Variants in KLHL32 observed in about 807,000 individuals in gnomAD.
The protein encoded by KLHL32 is kelch-like protein 32.
A neutral mutation model predicts 64.8 loss-of-function variants in KLHL32; 35 were observed. The observed-to-expected ratio is 0.54, with a 90% CI of 0.41 to 0.72. The LOEUF is 0.72. Among genes scored for constraint, KLHL32 ranks in the 30% least tolerant of loss-of-function variants. The pLI is 0.00. For synonymous variants in KLHL32, 259 were observed against 281.0 expected (o/e 0.92, Z 0.78); for missense variants, 589 against 768.5 (o/e 0.77, Z 2.76).
intron 1 of KLHL32, among the ~76,000 whole-genome samples, chr6:96,927,416 A>C (rs1769296505): frequency 6.6e-6 from 1 of 152,218 alleles, no homozygotes; most frequent in African/African-American, 2.4e-5. Context: ...AGAGACATTA[A>C]ATCCCAGCAC....
In KLHL32 at chr6:97,094,319, A is replaced by T. The variant is rs74770485; in HGVS notation, c.627+8978A>T. On this transcript the variant is annotated intron_variant, in intron 6 of 10. Coordinates refer to ENST00000369261, the MANE Select transcript of KLHL32 (RefSeq NM_052904.4). ...ACCCAGAGGCTCTAGAATTATTTAC[A>T]TTCTAAGGAGATGTCAAGAGAAGCC... is the stretch of plus-strand genomic sequence containing the variant. Among the ~76,000 whole-genome samples the T allele has an allele frequency of 9.9e-3, 1,510 of 152,314 alleles. 15 individuals are homozygous for T. Among genetic ancestry groups the T allele is most frequent in the Middle Eastern group, 0.017 (5 of 294 alleles).
intron 3 of KLHL32, among the ~76,000 whole-genome samples, chr6:96,980,252 G>A (rs13195937): frequency 0.31 from 47,134 of 151,942 alleles, 7,883 homozygotes; most frequent in African/African-American, 0.44. Context: ...GTTCTCAAAG[G>A]GAATGCTCCA....
chr6:97,069,396 G>C (rs1021043551), intron 5 of KLHL32, among the ~76,000 whole-genome samples: 1 of 132,658 alleles, frequency 7.5e-6, no homozygotes, highest in Non-Finnish European at 1.6e-5. Context: ...GGGTGATTTT[G>C]TTCCTTTTTT....
intron 10 of KLHL32, among the ~76,000 whole-genome samples, chr6:97,136,029 G>A (rs1799967601): frequency 6.6e-6 from 1 of 152,154 alleles, no homozygotes; most frequent in Non-Finnish European, 1.5e-5. Flanking sequence ...AAAATCATAT[G>A]CATACTAAAA....
chr6:96,901,010 G>A, the KLHL32 span, among the ~76,000 whole-genome samples: 2 of 152,264 alleles, frequency 1.3e-5, no homozygotes, highest in South Asian at 4.1e-4. Context: ...GGAGCGGGGG[G>A]TAGTGCCACA....
chr6:96,922,433 T>C (rs991339032), upstream of KLHL32, among the ~76,000 whole-genome samples: 1 of 152,182 alleles, frequency 6.6e-6, no homozygotes, highest in African/African-American at 2.4e-5. Flanking sequence ...GAGCTCCTGA[T>C]ATCCTTCTAC....
At chr6:96,949,803 T>C (rs12529843) in intron 1 of KLHL32, among the ~76,000 whole-genome samples, 11,586 of 152,184 alleles carry the variant, frequency 0.076, 484 homozygotes, top group Middle Eastern at 0.15. Context: ...AGGTATTTAG[T>C]AGTAGTAAAA....
the KLHL32 span, among the ~76,000 whole-genome samples, chr6:96,906,671 A>C: frequency 6.6e-6 from 1 of 152,216 alleles, no homozygotes. Context: ...CACTGCTTAG[A>C]TATGACTTCC....
At chr6:96,994,525 G>C (rs1313615725) in intron 3 of KLHL32, 2 of 985,204 alleles carry the variant, frequency 2.0e-6, no homozygotes, top group Non-Finnish European at 2.4e-6. Context: ...TGAAGCTCAA[G>C]TAATTGTTGT....
chr6:96,999,629 T>C, intron 3 of KLHL32: 3 of 478,494 alleles, frequency 6.3e-6, no homozygotes, highest in Non-Finnish European at 8.2e-6. Flanking sequence ...TGTGAAGCTA[T>C]AATTTGCCTC....
chr6:96,904,002 A>T, the KLHL32 span, among the ~76,000 whole-genome samples: 1 of 152,212 alleles, frequency 6.6e-6, no homozygotes, highest in Admixed American at 6.5e-5. Flanking sequence ...AATAAATTTA[A>T]TAAGGTAGCT....
intron 1 of KLHL32, among the ~76,000 whole-genome samples, chr6:96,936,876 C>A (rs1366125498): frequency 6.6e-6 from 1 of 152,146 alleles, no homozygotes; most frequent in East Asian, 1.9e-4. Flanking sequence ...AATGCCCTGC[C>A]TCCTGCCTAC....
intron 4 of KLHL32, among the ~76,000 whole-genome samples, chr6:97,058,685 A>G (rs941932028): frequency 6.6e-6 from 1 of 152,208 alleles, no homozygotes; most frequent in Non-Finnish European, 1.5e-5. Context: ...TGCCAGACTC[A>G]GCTGGCAAAT....
chr6:96,916,605 G>A, the KLHL32 span, among the ~76,000 whole-genome samples: 5 of 152,038 alleles, frequency 3.3e-5, no homozygotes, highest in Non-Finnish European at 7.4e-5. Flanking sequence ...CTGCTTCATT[G>A]GTTCTTCCAT....
At chr6:97,067,681 T>C (rs1357301579) in intron 5 of KLHL32, among the ~76,000 whole-genome samples, 2 of 152,210 alleles carry the variant, frequency 1.3e-5, no homozygotes, top group Non-Finnish European at 2.9e-5. Context: ...GTTTTCTTTT[T>C]ACAGATGGAG....
the KLHL32 span, among the ~76,000 whole-genome samples, chr6:96,917,462 G>A: frequency 2.0e-5 from 3 of 152,202 alleles, no homozygotes; most frequent in Admixed American, 1.3e-4. Flanking sequence ...TGAGGTCCAT[G>A]CCCCAATCTG....
intron 3 of KLHL32, among the ~76,000 whole-genome samples, chr6:97,003,733 T>C (rs911421839): frequency 6.6e-6 from 1 of 152,214 alleles, no homozygotes; most frequent in Non-Finnish European, 1.5e-5. Context: ...ACCAGCACCA[T>C]TGATTGAATA....
chr6:96,916,881 G>C, the KLHL32 span, among the ~76,000 whole-genome samples: 18 of 152,066 alleles, frequency 1.2e-4, no homozygotes, highest in Non-Finnish European at 2.2e-4. Flanking sequence ...TAAAGGAACT[G>C]TTTTTCCATC....
At chr6:97,031,336 TTAACA>T (rs1321156627) in intron 3 of KLHL32, among the ~76,000 whole-genome samples, 6 of 144,146 alleles carry the variant, frequency 4.2e-5, no homozygotes, top group Non-Finnish European at 9.2e-5. Flanking sequence ...CATTAAGTTT[TTAACA>T]TTTTTTTTTT....
Sources: allele counts gnomAD v4.1 joint callset (sites outside exome capture counted in the v4.1 genomes callset), GRCh38; gene constraint gnomAD v4.1.1; transcripts MANE v1.5; gene names NCBI Gene and HGNC (gene_info 2026-07-23, HGNC 2026-07-21).